The following GRM7 variants were observed in gnomAD, a reference collection of about 807,000 sequenced individuals.
The protein encoded by GRM7 is glutamate metabotropic receptor 7, also known as metabotropic glutamate receptor 7.
GRM7 carries 35 observed loss-of-function variants against 84.5 expected under a neutral mutation model. The observed-to-expected ratio is 0.41, with a 90% CI of 0.32 to 0.55. GRM7 has a LOEUF of 0.55. GRM7 is among the 20% of genes least tolerant of loss of function. The pLI is 0.19. For missense variants in GRM7, 1,003 were observed against 1,194.6 expected, an observed-to-expected ratio of 0.84 and a Z score of 2.36; for synonymous variants, 487 against 455.1, an observed-to-expected ratio of 1.07 and a Z score of -0.89.
intron 1 of GRM7, among the ~76,000 whole-genome samples, chr3:6,909,438 C>G (rs1696691911): frequency 6.6e-6 from 1 of 152,148 alleles, no homozygotes; most frequent in Non-Finnish European, 1.5e-5. Flanking sequence ...AAATCTTCCC[C>G]TATAAACTCC....
chr3:7,383,069 A>C (rs1694651820), intron 4 of GRM7, among the ~76,000 whole-genome samples: 1 of 152,230 alleles, frequency 6.6e-6, no homozygotes, highest in South Asian at 2.1e-4. Context: ...CTTACAACCC[A>C]GATCCACACT....
At chr3:7,277,628 A>G (rs1009780186) in intron 2 of GRM7, among the ~76,000 whole-genome samples, 1 of 152,132 alleles carries the variant, frequency 6.6e-6, no homozygotes, top group Non-Finnish European at 1.5e-5. Context: ...CCTTTCTTAC[A>G]CATTTTCTTC....
At chr3:7,299,052 G>GA (rs1313936500) in intron 3 of GRM7, among the ~76,000 whole-genome samples, 6 of 151,460 alleles carry the variant, frequency 4.0e-5, no homozygotes, top group Admixed American at 6.6e-5. Context: ...TGTAAAAACA[G>GA]AAAAAAAACT....
chr3:6,981,105 A>G (rs1694181059), intron 1 of GRM7, among the ~76,000 whole-genome samples: 1 of 152,186 alleles, frequency 6.6e-6, no homozygotes, highest in East Asian at 1.9e-4. Context: ...CGCAAAGGCC[A>G]TGGAATGAAG....
intron 1 of GRM7, among the ~76,000 whole-genome samples, chr3:6,944,373 G>GT (rs1429612742): frequency 5.9e-5 from 9 of 152,050 alleles, no homozygotes; most frequent in East Asian, 3.8e-4. Flanking sequence ...TTTTCTCATA[G>GT]TTTTTTATCA....
At chr3:7,522,864 C>T (rs1032129977) in intron 7 of GRM7, among the ~76,000 whole-genome samples, 1 of 151,896 alleles carries the variant, frequency 6.6e-6, no homozygotes, top group Admixed American at 6.6e-5. Context: ...TAAAGCTGTG[C>T]CCCTTATGAT....
chr3:7,142,078 T>A (rs1335592921), intron 1 of GRM7, among the ~76,000 whole-genome samples: 1 of 152,016 alleles, frequency 6.6e-6, no homozygotes, highest in African/African-American at 2.4e-5. Context: ...ATAATGACAG[T>A]GAAAACTTGA....
intron 1 of GRM7, among the ~76,000 whole-genome samples, chr3:6,927,461 GAGAGAA>G (rs1165004251): frequency 2.5e-4 from 18 of 71,844 alleles, no homozygotes; most frequent in African/African-American, 1.2e-3. Flanking sequence ...AAGAAAGAGA[GAGAGAA>G]AGAAAGAAAG....
chr3:7,740,520 G>A lies in GRM7; in HGVS notation c.*114G>A, dbSNP rs959909994. 2.6e-5 allele frequency: 15 copies of A among 585,028 alleles called. No homozygotes were observed. Among genetic ancestry groups the A allele is most frequent in the South Asian group, 1.0e-4 (4 of 38,792 alleles). 36.2% of individuals were successfully genotyped at this position (585,028 alleles called of 1,614,324 possible). A position where few individuals can be genotyped will look rare whatever the true frequency, so the allele number is the denominator to read the frequency against. ...TTCCCATCACCGGAGGAGCTTCCCC[G>A]GCCGGGAGACCAGTGTTAGAGGATC... On this transcript the variant is annotated 3_prime_UTR_variant, in exon 10 of 10. Coordinates refer to ENST00000357716, the MANE Select transcript of GRM7 (RefSeq NM_000844.4).
chr3:7,454,081 T>TACACACACACACACACACACAC (rs141029901), intron 6 of GRM7, among the ~76,000 whole-genome samples: 3 of 142,590 alleles, frequency 2.1e-5, no homozygotes, highest in Non-Finnish European at 4.5e-5. Flanking sequence ...CATGAAAAGC[T>TACACACACACACACACACACAC]ACACACACAC....
intron 1 of GRM7, among the ~76,000 whole-genome samples, chr3:6,995,295 G>A (rs1694791204): frequency 6.6e-6 from 1 of 152,280 alleles, no homozygotes. Context: ...ACTCAAGTTT[G>A]TCATTTTAGC....
intron 2 of GRM7, among the ~76,000 whole-genome samples, chr3:7,194,562 C>T (rs556275676): frequency 2.6e-5 from 4 of 152,258 alleles, no homozygotes; most frequent in Non-Finnish European, 5.9e-5. Flanking sequence ...GCCTTTCTCA[C>T]GGTCTCATCT....
At chr3:7,360,137 C>CTGTGTGTGTG (rs58123164) in intron 4 of GRM7, among the ~76,000 whole-genome samples, 2 of 135,950 alleles carry the variant, frequency 1.5e-5, no homozygotes, top group African/African-American at 5.8e-5. Flanking sequence ...TTTTTTCCCT[C>CTGTGTGTGTG]TGTGTGTGTG....
At chr3:7,073,457 C>G (rs888124883) in intron 1 of GRM7, among the ~76,000 whole-genome samples, 1 of 152,148 alleles carries the variant, frequency 6.6e-6, no homozygotes, top group East Asian at 1.9e-4. Flanking sequence ...TATTATATTA[C>G]AAACAAGCAG....
intron 2 of GRM7, among the ~76,000 whole-genome samples, chr3:7,228,855 T>C (rs2124893222): frequency 6.6e-6 from 1 of 152,362 alleles, no homozygotes; most frequent in East Asian, 1.9e-4. Context: ...TGGGAAAGTA[T>C]AATAGCTTTG....
chr3:6,894,502 A>G (rs1481639717), intron 1 of GRM7, among the ~76,000 whole-genome samples: 1 of 152,128 alleles, frequency 6.6e-6, no homozygotes, highest in African/African-American at 2.4e-5. Context: ...AAATAAGCCA[A>G]ATTAATTGTA....
intron 8 of GRM7, among the ~76,000 whole-genome samples, chr3:7,667,279 A>G (rs1374428428): frequency 7.3e-6 from 1 of 136,616 alleles, no homozygotes; most frequent in East Asian, 2.0e-4. Context: ...TAAAAAAAAA[A>G]AAGAGAGAGA....
chr3:7,375,697 A>T (rs147507094), intron 4 of GRM7, among the ~76,000 whole-genome samples: 112 of 152,128 alleles, frequency 7.4e-4, no homozygotes, highest in African/African-American at 2.7e-3. Flanking sequence ...TGGATTGATT[A>T]ATTCTTCATA....
intron 1 of GRM7, among the ~76,000 whole-genome samples, chr3:6,951,055 C>A (rs1692735436): frequency 6.6e-6 from 1 of 152,130 alleles, no homozygotes; most frequent in Non-Finnish European, 1.5e-5. Flanking sequence ...TGCGCTGCAC[C>A]CACTGTCCGG....
Sources: allele counts gnomAD v4.1 joint callset (sites outside exome capture counted in the v4.1 genomes callset), GRCh38; gene constraint gnomAD v4.1.1; transcripts MANE v1.5; gene names NCBI Gene and HGNC (gene_info 2026-07-23, HGNC 2026-07-21).